Variants in ANXA4 observed in about 807,000 individuals in gnomAD.
ANXA4 encodes annexin A4.
In ANXA4, 39 loss-of-function variants were observed where a neutral mutation model predicts 49.8. That is an observed-to-expected ratio of 0.78 (90% CI 0.61 to 1.02). The LOEUF is 1.02. Among genes scored for constraint, ANXA4 ranks in the 50% least tolerant of loss-of-function variants. The probability of loss-of-function intolerance (pLI) is 0.00; values close to 1 mark genes in which losing one functional copy is unlikely to be tolerated. For missense variants in ANXA4, 360 were observed against 410.1 expected, an observed-to-expected ratio of 0.88 and a Z score of 1.05; for synonymous variants, 134 against 152.5, an observed-to-expected ratio of 0.88 and a Z score of 0.89.
intron 7 of ANXA4, 122 bp downstream of exon 7, chr2:69,810,795 C>A (rs1673671883): frequency 5.5e-6 from 4 of 731,248 alleles, no homozygotes; most frequent in Admixed American, 2.2e-5. Context: ...TGTTCTCAGA[C>A]CCCTCTGTTC....
At chr2:69,665,410 C>G (rs781335718) in intron 2 of ANXA4, among the ~76,000 whole-genome samples, 2 of 152,172 alleles carry the variant, frequency 1.3e-5, no homozygotes, top group African/African-American at 2.4e-5. Flanking sequence ...GCAACACACT[C>G]TGAGTGGTAC....
intron 12 of ANXA4, among the ~76,000 whole-genome samples, chr2:69,824,993 G>C (rs1224800875): frequency 6.6e-6 from 1 of 150,620 alleles, no homozygotes. Flanking sequence ...CGTGAACCCG[G>C]GAGGCAGAGC....
chr2:69,667,496 C>A (rs1333341012), intron 2 of ANXA4, among the ~76,000 whole-genome samples: 1 of 151,934 alleles, frequency 6.6e-6, no homozygotes, highest in African/African-American at 2.4e-5. Context: ...AATAAAAGTC[C>A]CATAAAAGTG....
intron 2 of ANXA4, among the ~76,000 whole-genome samples, chr2:69,690,923 T>C (rs943693678): frequency 7.2e-5 from 11 of 152,186 alleles, no homozygotes; most frequent in Non-Finnish European, 1.6e-4. Flanking sequence ...TGGGATCTTA[T>C]TGGGAAGAAA....
At chr2:69,660,286 CT>C (rs1676663848) in intron 2 of ANXA4, among the ~76,000 whole-genome samples, 1 of 152,154 alleles carries the variant, frequency 6.6e-6, no homozygotes, top group Non-Finnish European at 1.5e-5. Context: ...AAAATTGATT[CT>C]GGGCCAATGG....
intron 1 of ANXA4, among the ~76,000 whole-genome samples, chr2:69,758,737 C>T (rs79703531): frequency 0.032 from 4,936 of 152,190 alleles, 282 homozygotes; most frequent in African/African-American, 0.11. Flanking sequence ...GGTGGTTGGG[C>T]TTTGGATATC....
At chr2:69,811,269 C>T (rs1423268003) in intron 7 of ANXA4, 1 of 153,172 alleles carries the variant, frequency 6.5e-6, no homozygotes, top group South Asian at 2.1e-4. Context: ...ATTCTGGAAA[C>T]AGGGTGGGAG....
intron 2 of ANXA4, among the ~76,000 whole-genome samples, chr2:69,685,772 A>G (rs1241040648): frequency 6.6e-6 from 1 of 152,206 alleles, no homozygotes; most frequent in Admixed American, 6.5e-5. Flanking sequence ...CGTGGTTGCC[A>G]AAAAAACTAA....
At chr2:69,701,304 A>G (rs1678323226) in intron 2 of ANXA4, among the ~76,000 whole-genome samples, 1 of 151,722 alleles carries the variant, frequency 6.6e-6, no homozygotes, top group South Asian at 2.1e-4. Context: ...CATCTCCAGA[A>G]CTCTTTTCCT....
chr2:69,805,251 A>G (rs1673393574), intron 4 of ANXA4, among the ~76,000 whole-genome samples: 1 of 152,116 alleles, frequency 6.6e-6, no homozygotes, highest in Non-Finnish European at 1.5e-5. Context: ...GAATGATCAC[A>G]AAGATACAAC....
chr2:69,680,946 A>T (rs1677577747), intron 2 of ANXA4, among the ~76,000 whole-genome samples: 1 of 152,096 alleles, frequency 6.6e-6, no homozygotes, highest in Admixed American at 6.6e-5. Flanking sequence ...TTCATCGGGG[A>T]TAATGACCTT....
intron 2 of ANXA4, among the ~76,000 whole-genome samples, chr2:69,701,113 G>T (rs1273950132): frequency 2.0e-5 from 3 of 152,078 alleles, no homozygotes; most frequent in African/African-American, 7.2e-5. Context: ...GACCTCAAGT[G>T]ATCTGCCCAA....
intron 1 of ANXA4, among the ~76,000 whole-genome samples, chr2:69,652,108 G>A (rs527907360): frequency 2.0e-5 from 3 of 152,188 alleles, no homozygotes; most frequent in East Asian, 1.9e-4. Context: ...TGCCTCCCAG[G>A]TTCAACAGAT....
chr2:69,775,392 C>G (rs946186806), intron 1 of ANXA4, among the ~76,000 whole-genome samples: 1 of 152,214 alleles, frequency 6.6e-6, no homozygotes, highest in African/African-American at 2.4e-5. Context: ...TGAGCCAACA[C>G]CTTGGGGTAG....
intron 2 of ANXA4, among the ~76,000 whole-genome samples, chr2:69,693,925 A>G (rs975366654): frequency 2.0e-5 from 3 of 151,974 alleles, no homozygotes; most frequent in Admixed American, 2.0e-4. Context: ...TTGCACACCC[A>G]TGAAGCTGCC....
chr2:69,805,063 AAAAAAAAAAG>A (rs1422370490), intron 4 of ANXA4, among the ~76,000 whole-genome samples: 1 of 150,864 alleles, frequency 6.6e-6, no homozygotes, highest in Non-Finnish European at 1.5e-5. Flanking sequence ...AAAAAAAAAA[AAAAAAAAAAG>A]AATAGCGATT....
At chr2:69,823,828 A>T (rs528882085) in intron 12 of ANXA4, among the ~76,000 whole-genome samples, 2 of 152,336 alleles carry the variant, frequency 1.3e-5, no homozygotes, top group African/African-American at 4.8e-5. Flanking sequence ...ATAAACAAGG[A>T]TATATTAAGA....
intron 2 of ANXA4, among the ~76,000 whole-genome samples, chr2:69,783,817 G>A (rs1672300481): frequency 6.6e-6 from 1 of 152,128 alleles, no homozygotes; most frequent in African/African-American, 2.4e-5. Flanking sequence ...GTTATCATAA[G>A]TTAGTTTTGC....
intron 3 of ANXA4, among the ~76,000 whole-genome samples, chr2:69,729,040 A>C (rs761589157): frequency 6.6e-5 from 10 of 152,104 alleles, no homozygotes; most frequent in Non-Finnish European, 1.2e-4. Context: ...TTTGAGATGG[A>C]GTCTGCTCTG....
Sources: allele counts gnomAD v4.1 joint callset (sites outside exome capture counted in the v4.1 genomes callset), GRCh38; gene constraint gnomAD v4.1.1; transcripts MANE v1.5; gene names NCBI Gene and HGNC (gene_info 2026-07-23, HGNC 2026-07-21).